The following CCR6 variants were observed in gnomAD, a reference collection of about 807,000 sequenced individuals.
The protein encoded by CCR6 is C-C motif chemokine receptor 6.
Under a neutral mutation model 3.0 loss-of-function variants are expected in CCR6, and 2 were observed. The ratio of observed to expected loss-of-function variants is 0.66; its 90% CI spans 0.27 to 2.07. The LOEUF is 2.07. Ranked by LOEUF, CCR6 falls within the 30% of genes most tolerant of loss-of-function variation. CCR6 has a pLI of 0.14. For synonymous variants in CCR6, 193 were observed against 184.3 expected, an observed-to-expected ratio of 1.05 and a Z score of -0.38; for missense variants, 322 against 462.8, an observed-to-expected ratio of 0.70 and a Z score of 2.79.
intron 1 of CCR6, among the ~76,000 whole-genome samples, chr6:167,132,515 C>G (rs1312701143): frequency 1.3e-5 from 2 of 151,926 alleles, no homozygotes; most frequent in Non-Finnish European, 2.9e-5. Context: ...AGTGGGATCT[C>G]TGTGTGTGTG....
At chr6:167,135,051 G>A (rs1781829136) in intron 1 of CCR6, 1 of 152,300 alleles carries the variant, frequency 6.6e-6, no homozygotes, top group South Asian at 2.1e-4. Context: ...GCCACTGCTG[G>A]CGTTCCCAGC....
Position 167,136,789 on chromosome 6 carries a change from C to A in CCR6, c.559C>A (p.Gln187Lys). 6 of 1,613,954 alleles carry A rather than the reference C, an allele frequency of 3.7e-6. No homozygotes were observed. Among genetic ancestry groups the A allele is most frequent in the Non-Finnish European group, 4.2e-6 (5 of 1,180,028 alleles). The change falls in exon 3 of 3, where the codon CAA (glutamine) becomes AAA (lysine). Residue 187 changes from glutamine (Q) to lysine (K), a missense_variant. Gln to Lys is a moderately conservative substitution (Grantham distance 53, BLOSUM62 1). Coordinates refer to ENST00000341935, the MANE Select transcript of CCR6 (RefSeq NM_031409.4). This position sits in a 1 kb window ranked among gnomAD's most constrained non-coding sequence, Gnocchi z 4.6. ...CTCCAGCTCAACTTTTGTCTTCAAC[C>A]AAAAATACAACACCCAAGGCAGCGA... The part of the protein sequence containing the change: ...IISSSTFVFN[Q>K]KYNTQGSDVC...
chr6:167,120,952 A>G (rs933808321), upstream of CCR6: 3 of 152,300 alleles, frequency 2.0e-5, no homozygotes, highest in African/African-American at 7.2e-5. Flanking sequence ...TACAGAAGGA[A>G]TATGGGGCAA....
intron 1 of CCR6, chr6:167,115,600 T>C (rs997794124): frequency 1.3e-5 from 2 of 152,204 alleles, no homozygotes; most frequent in Admixed American, 6.5e-5. Context: ...CAGAAAGAAA[T>C]TGTGACTATG....
intron 1 of CCR6, among the ~76,000 whole-genome samples, chr6:167,134,466 C>G (rs3093014): frequency 0.024 from 3,590 of 152,250 alleles, 53 homozygotes; most frequent in Middle Eastern, 0.044. Flanking sequence ...GAACCGATCT[C>G]TAAGTTGTGA....
At chr6:167,133,313 G>A (rs374491380) in intron 1 of CCR6, among the ~76,000 whole-genome samples, 2 of 152,182 alleles carry the variant, frequency 1.3e-5, no homozygotes, top group East Asian at 1.9e-4. Flanking sequence ...TAAGCAGTAA[G>A]GATCGACTTT....
upstream of CCR6, among the ~76,000 whole-genome samples, chr6:167,122,158 G>T (rs945379508): frequency 5.3e-5 from 8 of 152,166 alleles, no homozygotes; most frequent in Non-Finnish European, 8.8e-5. This position sits in a 1 kb window ranked among gnomAD's most constrained non-coding sequence, Gnocchi z 4.2. Context: ...AGCCTCGTGG[G>T]CAGCCTGGGG....
Position 167,133,932 on chromosome 6 carries a change from GTATATATATATATATA to G in CCR6, c.-97-2083_-97-2068del, listed in dbSNP as rs6149918. ...ATACTATTATATATGATATATGTGT[GTATATATATATATATA>G]TATATATATATATATATATATAGTT... On this transcript the variant is annotated intron_variant, in intron 1 of 2. Coordinates refer to ENST00000341935, the MANE Select transcript of CCR6 (RefSeq NM_031409.4). Among the ~76,000 whole-genome samples, 524 of 110,400 alleles carry G rather than the reference GTATATATATATATATA, an allele frequency of 4.7e-3. 21 individuals carry two copies. The highest frequency in any genetic ancestry group is 0.018 in the African/African-American group (421 of 22,886). 72.4% of individuals were successfully genotyped at this position (110,400 alleles called of 152,430 possible).
chr6:167,123,847 C>T (rs1781623984), intron 1 of CCR6, among the ~76,000 whole-genome samples: 2 of 152,208 alleles, frequency 1.3e-5, no homozygotes, highest in African/African-American at 4.8e-5. Flanking sequence ...TGCAGTGGCT[C>T]ATACCTGTAA....
intron 1 of CCR6, chr6:167,116,094 G>C (rs1781488098): frequency 6.6e-6 from 1 of 152,284 alleles, no homozygotes; most frequent in Non-Finnish European, 1.5e-5. Flanking sequence ...CGCCAGGAGG[G>C]AGCACACCAG....
intron 1 of CCR6, among the ~76,000 whole-genome samples, chr6:167,117,415 CTT>C (rs35058463): frequency 9.9e-4 from 109 of 109,868 alleles, no homozygotes; most frequent in African/African-American, 2.0e-3. Context: ...TTTTTTTTTT[CTT>C]TTTTTTTTTT....
At chr6:167,124,164 C>G (rs1378255475) in intron 1 of CCR6, among the ~76,000 whole-genome samples, 3 of 151,258 alleles carry the variant, frequency 2.0e-5, no homozygotes, top group Admixed American at 1.3e-4. Flanking sequence ...AACAAAAATG[C>G]AAGGCCATAA....
intron 1 of CCR6, among the ~76,000 whole-genome samples, chr6:167,135,749 G>A (rs868009382): frequency 2.4e-4 from 36 of 152,238 alleles, no homozygotes; most frequent in Middle Eastern, 3.4e-3. Flanking sequence ...TCTAGCCAAC[G>A]GACCCCGGCG....
chr6:167,118,272 C>A (rs1040539503), upstream of CCR6, among the ~76,000 whole-genome samples: 10 of 152,214 alleles, frequency 6.6e-5, no homozygotes, highest in African/African-American at 2.4e-4. Flanking sequence ...TGTCTTCGAT[C>A]TTCACATGAA....
chr6:167,112,395 C>T (rs1001586794), intron 1 of CCR6, among the ~76,000 whole-genome samples: 1 of 152,170 alleles, frequency 6.6e-6, no homozygotes, highest in Middle Eastern at 3.2e-3. Flanking sequence ...TTCTATCTCA[C>T]AAAGACATTC....
Position 167,137,275 on chromosome 6 carries a change from G to C in CCR6, c.1045G>C (p.Ala349Pro), listed in dbSNP as rs113115632. The change falls in exon 3 of 3, where the codon GCC becomes CCC. Residue 349 changes from alanine (A) to proline (P), a missense_variant. Physicochemically the swap from Ala to Pro is conservative, Grantham distance 27. Transcript: ENST00000341935. The surrounding 1 kb of genome is among the most constrained non-coding windows in gnomAD (Gnocchi z 4.6). ...RKYKSSGFSC[A>P]GRYSENISRQ... Reference sequence around the variant, plus strand: ...GTACAAGTCCTCAGGCTTCTCCTGTGCCGGGAGGTACTCAGAAAACATTTC... The same window carrying C: ...GTACAAGTCCTCAGGCTTCTCCTGTCCCGGGAGGTACTCAGAAAACATTTC... 6.2e-7 allele frequency: 1 copy of C among 1,614,138 alleles called. No homozygotes were observed. Among genetic ancestry groups the C allele is most frequent in the African/African-American group, 1.3e-5 (1 of 75,048 alleles).
chr6:167,127,038 G>T (rs147574268), intron 1 of CCR6: 1 of 151,956 alleles, frequency 6.6e-6, no homozygotes, highest in Non-Finnish European at 1.5e-5. Context: ...GTGTGAGAAC[G>T]GACTAATACA....
At position 167,136,501 on chromosome 6, in the gene CCR6, G is replaced by A; in HGVS notation, c.271G>A (p.Ala91Thr). The A allele has an allele frequency of 6.3e-7, 1 of 1,590,860 alleles. No homozygotes were observed. The highest frequency in any genetic ancestry group is 8.6e-7 in the Non-Finnish European group (1 of 1,167,794). ...CGTCTATCTCTTGAACATGGCCATT[G>A]CAGACATCCTCTTTGTTCTTACTCT... is the stretch of plus-strand genomic sequence containing the variant. ...TDVYLLNMAI[A>T]DILFVLTLPF... Residue 91 changes from alanine to threonine, a missense_variant, in exon 3 of 3, where the codon GCA (alanine) becomes ACA (threonine). By Grantham distance (58) the Ala-to-Thr change is moderately conservative. Transcript: ENST00000341935. The surrounding 1 kb of genome is among the most constrained non-coding windows in gnomAD (Gnocchi z 4.6).
At chr6:167,114,232 G>A (rs1427803457) in intron 1 of CCR6, among the ~76,000 whole-genome samples, 2 of 152,214 alleles carry the variant, frequency 1.3e-5, no homozygotes, top group Non-Finnish European at 2.9e-5. Context: ...CATCCTCCCT[G>A]TGCTGTCCCC....
Sources: allele counts gnomAD v4.1 joint callset (sites outside exome capture counted in the v4.1 genomes callset), GRCh38; gene constraint gnomAD v4.1.1; non-coding constraint Gnocchi (gnomAD v3.1); transcripts MANE v1.5; gene names NCBI Gene and HGNC (gene_info 2026-07-23, HGNC 2026-07-21).